The following NDST1 variants were observed in gnomAD, a reference collection of about 807,000 sequenced individuals.
NDST1 encodes the protein bifunctional heparan sulfate N-deacetylase/N-sulfotransferase 1.
In NDST1, 35 loss-of-function variants were observed where a neutral mutation model predicts 92.8. The ratio of observed to expected loss-of-function variants is 0.38; its 90% confidence interval spans 0.29 to 0.50. The LOEUF (loss-of-function observed/expected upper bound fraction) is 0.50, where lower values mean the gene tolerates loss of function less well. NDST1 is among the 20% of genes least tolerant of loss of function. The pLI, the probability that NDST1 is intolerant of heterozygous loss-of-function variation, is 0.94. For missense variants in NDST1, 822 were observed against 1,182.7 expected (o/e 0.69, Z 4.47); for synonymous variants, 493 against 500.3 (o/e 0.99, Z 0.19).
rs1561612644 is a variant in NDST1, at chr5:150,554,816, G to C, written c.*1484G>C. 6.5e-6 allele frequency: 1 copy of C among 152,682 alleles called. No individual in the cohort carries two copies. Among genetic ancestry groups the C allele is most frequent in the Non-Finnish European group, 1.5e-5 (1 of 68,124 alleles). The allele number at this position is 152,682 out of a possible 1,614,324, so 9.5% of individuals were successfully genotyped here. A position where few individuals can be genotyped will look rare whatever the true frequency, so the allele number is the denominator to read the frequency against. ...GTCTCCAGGCCCTTGTAGACAGTGG[G>C]ATCTCTGGGCTGATTTCTGGTTGGG... On this transcript the variant is annotated 3_prime_UTR_variant, in exon 15 of 15. Coordinates refer to ENST00000261797, the MANE Select transcript of NDST1 (RefSeq NM_001543.5).
chr5:150,535,360 C>T (rs950633233), intron 5 of NDST1: 78 of 985,396 alleles, frequency 7.9e-5, no homozygotes, highest in East Asian at 3.4e-4. Context: ...GAGGAGGGAA[C>T]GAGCCCTAGG....
In NDST1 at chr5:150,553,374, G is replaced by A. The variant is rs201134280; in HGVS notation, c.*42G>A. The A allele has an allele frequency of 6.3e-4, 1,018 of 1,606,088 alleles. 3 individuals are homozygous for A. Among genetic ancestry groups the A allele is most frequent in the Non-Finnish European group, 4.2e-4 (490 of 1,174,764 alleles). ...CAGACTGAACGTTTGTGAAAGCTGG[G>A]ACATCCCACCACACGCTGAGCCAGA... On this transcript the variant is annotated 3_prime_UTR_variant, in exon 15 of 15. Transcript: ENST00000261797. This position sits in a 1 kb window ranked among gnomAD's most constrained non-coding sequence, Gnocchi z 4.2.
At chr5:150,507,361 A>G (rs1447408020), upstream of NDST1, among the ~76,000 whole-genome samples, 1 of 151,954 alleles carries the variant, frequency 6.6e-6, no homozygotes, top group Non-Finnish European at 1.5e-5. Context: ...GAAGGCAAAT[A>G]CCTTTTCAGC....
chr5:150,531,922 G>T (rs1183981019), intron 3 of NDST1, among the ~76,000 whole-genome samples: 1 of 152,224 alleles, frequency 6.6e-6, no homozygotes, highest in Non-Finnish European at 1.5e-5. Flanking sequence ...TGCACGGTGC[G>T]CGGGAAGACC....
intron 1 of NDST1, among the ~76,000 whole-genome samples, chr5:150,512,766 A>G (rs1217252612): frequency 2.6e-5 from 4 of 152,216 alleles, no homozygotes; most frequent in Admixed American, 2.6e-4. Context: ...TACATGCCTC[A>G]TCTCTCTTTG....
At chr5:150,504,990 C>T (rs1753386067), upstream of NDST1, among the ~76,000 whole-genome samples, 1 of 152,210 alleles carries the variant, frequency 6.6e-6, no homozygotes, top group African/African-American at 2.4e-5. Flanking sequence ...GCCACTTATC[C>T]TCTGGAAACC....
chr5:150,549,308 G>A (rs1470953697), intron 12 of NDST1, among the ~76,000 whole-genome samples: 1 of 152,216 alleles, frequency 6.6e-6, no homozygotes, highest in East Asian at 1.9e-4. Context: ...CACCGTGCCC[G>A]GCCATGCCCA....
rs986666170 is a variant in NDST1 at position 150,555,307 on chromosome 5, T to C, written c.*1975T>C. On this transcript the variant is annotated 3_prime_UTR_variant, in exon 15 of 15. Transcript: ENST00000261797. ...TCCGAGGTCTGCGTTTGCATCCCTGTCGTGTTCTCCCTCGAGGGGTCCTTC... is the reference window on the plus strand; with the variant it reads ...TCCGAGGTCTGCGTTTGCATCCCTGCCGTGTTCTCCCTCGAGGGGTCCTTC... The C allele has an allele frequency of 2.6e-5, 4 of 152,936 alleles. No homozygotes were observed. The highest frequency in any genetic ancestry group is 9.6e-5 in the African/African-American group (4 of 41,472). The allele number at this position is 152,936 out of a possible 1,614,324, so 9.5% of individuals were successfully genotyped here. A position where few individuals can be genotyped will look rare whatever the true frequency, so the allele number is the denominator to read the frequency against.
chr5:150,516,293 G>A (rs1753962557), intron 1 of NDST1, among the ~76,000 whole-genome samples: 1 of 152,256 alleles, frequency 6.6e-6, no homozygotes, highest in Non-Finnish European at 1.5e-5. Flanking sequence ...AGAGGGATGA[G>A]CTTGAAAGTG....
intron 8 of NDST1, among the ~76,000 whole-genome samples, chr5:150,540,507 GAAAAAACAGTGTTAA>G (rs1025371765): frequency 3.3e-5 from 5 of 152,040 alleles, no homozygotes; most frequent in African/African-American, 1.2e-4. Context: ...CATAGCCTTG[GAAAAAACAGTGTTAA>G]AAAAACGAGT....
intron 1 of NDST1, among the ~76,000 whole-genome samples, chr5:150,516,482 G>A (rs1753972759): frequency 6.6e-6 from 1 of 152,176 alleles, no homozygotes; most frequent in South Asian, 2.1e-4. Context: ...TTACATGCTA[G>A]GAAACTGAGG....
At chr5:150,511,691 C>T (rs1239683503) in intron 1 of NDST1, among the ~76,000 whole-genome samples, 1 of 152,098 alleles carries the variant, frequency 6.6e-6, no homozygotes, top group Non-Finnish European at 1.5e-5. Context: ...TCTGGGGTGA[C>T]TGACAGGCGG....
chr5:150,531,256 C>T (rs545392286), intron 3 of NDST1, among the ~76,000 whole-genome samples: 3 of 152,184 alleles, frequency 2.0e-5, no homozygotes, highest in African/African-American at 7.2e-5. Context: ...TTCATTGGGT[C>T]CTTACAGCAG....
rs369241290 is a variant in NDST1 at position 150,511,245 on chromosome 5, G to A, written c.-388+3019G>A. Among the ~76,000 whole-genome samples the A allele has an allele frequency of 1.1e-4, 17 of 152,370 alleles. No individual in the cohort carries two copies. The South Asian group carries it at 3.5e-3, about 32-fold the overall frequency. On this transcript the variant is annotated intron_variant, in intron 1 of 14. Transcript: ENST00000261797. ...GGAGATGCCGCGTAGCAGATTCACA[G>A]AGGGGAAGGTAATTGGCAAGGGCAC...
chr5:150,537,590 A>T (rs544495845), intron 6 of NDST1, among the ~76,000 whole-genome samples: 9 of 152,352 alleles, frequency 5.9e-5, no homozygotes, highest in African/African-American at 2.2e-4. Context: ...TCTGCTGATA[A>T]GATGTTATCA....
At chr5:150,530,211 C>T (rs377544234) in intron 3 of NDST1, among the ~76,000 whole-genome samples, 4 of 152,210 alleles carry the variant, frequency 2.6e-5, no homozygotes, top group African/African-American at 9.6e-5. Context: ...GTTGCTCCAG[C>T]GGTGCTGCTT....
intron 2 of NDST1, among the ~76,000 whole-genome samples, chr5:150,525,109 T>C (rs1467070366): frequency 4.6e-5 from 7 of 152,128 alleles, no homozygotes; most frequent in East Asian, 3.9e-4. Context: ...GGGGACCCCA[T>C]TGGAAGACTT....
At chr5:150,516,202 T>C (rs1352494206) in intron 1 of NDST1, among the ~76,000 whole-genome samples, 2 of 152,190 alleles carry the variant, frequency 1.3e-5, no homozygotes, top group African/African-American at 4.8e-5. Flanking sequence ...GTGTGGTGCC[T>C]GCCTGCCTCA....
Position 150,535,038 on chromosome 5 carries a change from G to T in NDST1, c.1251+17G>T, listed in dbSNP as rs372385700. On this transcript the variant is annotated intron_variant, in intron 5 of 14. Coordinates refer to ENST00000261797, the MANE Select transcript of NDST1 (RefSeq NM_001543.5). ...TTCGCTGTCGTGAGTAAGATTCCTT[G>T]CAGGGCAGAGCGGGGCGGGCTAAGG... 6.2e-7 allele frequency: 1 copy of T among 1,610,092 alleles called. No individual in the cohort carries two copies. The highest frequency in any genetic ancestry group is 1.3e-5 in the African/African-American group (1 of 75,024).
Sources: gnomAD v4.1 joint callset for allele counts (sites outside exome capture counted in the v4.1 genomes callset) on GRCh38, gnomAD v4.1.1 for gene constraint, Gnocchi (gnomAD v3.1) non-coding constraint, MANE v1.5 for transcripts, NCBI Gene and HGNC (gene_info 2026-07-23, HGNC 2026-07-21) for gene names.